FCRL6: variants seen among roughly 807,000 people sequenced by gnomAD.
The protein encoded by FCRL6 is Fc receptor-like protein 6.
A neutral mutation model predicts 49.1 loss-of-function variants in FCRL6; 50 were observed. The ratio of observed to expected loss-of-function variants is 1.02; its 90% CI spans 0.81 to 1.29. The LOEUF (loss-of-function observed/expected upper bound fraction) is 1.29. Ranked by LOEUF, FCRL6 falls within the 50% of genes most tolerant of loss-of-function variation. The pLI is 0.00. For synonymous variants in FCRL6, 213 were observed against 199.6 expected (o/e 1.07, Z -0.57); for missense variants, 571 against 518.5 (o/e 1.10, Z -0.98).
At chr1:159,802,745 A>G (rs73028938) in intron 1 of FCRL6, among the ~76,000 whole-genome samples, 16,344 of 152,196 alleles carry the variant, frequency 0.11, 1,971 homozygotes, top group African/African-American at 0.29. Context: ...TAACTTCCCA[A>G]TGACATTTCT....
At chr1:159,808,723 T>TAG in intron 3 of FCRL6, 1 of 606,286 alleles carries the variant, frequency 1.6e-6, no homozygotes, top group African/African-American at 1.8e-5. Context: ...CTCTATGGAC[T>TAG]AGAGGACTTC....
At chr1:159,811,496 C>G (rs892975035) in intron 6 of FCRL6, among the ~76,000 whole-genome samples, 1 of 152,192 alleles carries the variant, frequency 6.6e-6, no homozygotes, top group Admixed American at 6.5e-5. Flanking sequence ...AGGAAGACCA[C>G]CCAGTCATAT....
chr1:159,807,591 G>T (rs1662778502), intron 2 of FCRL6, among the ~76,000 whole-genome samples: 2 of 152,232 alleles, frequency 1.3e-5, no homozygotes, highest in Admixed American at 6.5e-5. Context: ...GGTAGAGATG[G>T]AGGCTGGGCC....
Position 159,811,289 on chromosome 1 carries a change from G to A in FCRL6, c.1009+1073G>A, listed in dbSNP as rs79448279. On this transcript the variant is annotated intron_variant, in intron 6 of 9. Coordinates refer to ENST00000368106, the MANE Select transcript of FCRL6 (RefSeq NM_001004310.3). ...CAGTGCCAAAGCTATGATTCCTAGT[G>A]CTTCAAATCCACCTACAGAGGTTCA... Among the ~76,000 whole-genome samples the A allele has an allele frequency of 1.7e-4, 26 of 152,294 alleles. No homozygotes were observed. The East Asian group carries it at 4.8e-3, about 28-fold the overall frequency.
rs146819836 is a variant in FCRL6, at chr1:159,815,556, G to A, written c.1200G>A (p.Ala400=). 104 of 1,614,180 alleles carry A rather than the reference G, an allele frequency of 6.4e-5. No homozygotes were observed. In the East Asian group the frequency reaches 7.1e-4, roughly 11 times the overall value. Reference sequence around the variant, plus strand: ...CACAGGACAGTTCTATCATCTGTGCGGAGGTGAGATGCCTGCAGCCCAGTG... The same window carrying A: ...CACAGGACAGTTCTATCATCTGTGCAGAGGTGAGATGCCTGCAGCCCAGTG... ...VGRKDSSIIC[A]EVRCLQPSEV... is the part of the protein sequence containing the mutation. The change falls in exon 10 of 10, where the codon GCG becomes GCA. Residue 400 remains alanine (A), a synonymous_variant. Coordinates refer to ENST00000368106, the MANE Select transcript of FCRL6 (RefSeq NM_001004310.3).
intron 6 of FCRL6, among the ~76,000 whole-genome samples, chr1:159,813,162 T>C (rs114510156): frequency 1.1e-3 from 165 of 152,312 alleles, no homozygotes; most frequent in African/African-American, 3.7e-3. Flanking sequence ...GTCTGGCATA[T>C]AGTGTATGGT....
chr1:159,806,094 C>T (rs952451158), intron 1 of FCRL6, among the ~76,000 whole-genome samples: 7 of 152,152 alleles, frequency 4.6e-5, no homozygotes, highest in African/African-American at 1.4e-4. Context: ...AGAGTCCCTG[C>T]TACTATGGAG....
intron 6 of FCRL6, among the ~76,000 whole-genome samples, chr1:159,810,713 C>T (rs987877816): frequency 6.6e-6 from 1 of 152,152 alleles, no homozygotes; most frequent in African/African-American, 2.4e-5. Context: ...CAGTACTTTA[C>T]TGTAGCAGAG....
chr1:159,808,701 C>T, intron 3 of FCRL6: 2 of 609,818 alleles, frequency 3.3e-6, no homozygotes, highest in Non-Finnish European at 2.9e-6. Context: ...CCAGTCCAGG[C>T]TCACCCTTCC....
chr1:159,807,700 A>G (rs1662786098), intron 2 of FCRL6, among the ~76,000 whole-genome samples: 2 of 152,172 alleles, frequency 1.3e-5, no homozygotes, highest in South Asian at 2.1e-4. Flanking sequence ...AGATGCTGCT[A>G]TTATCAGAAG....
intron 6 of FCRL6, 124 bp downstream of exon 6, chr1:159,810,340 G>C: frequency 1.7e-6 from 2 of 1,204,370 alleles, no homozygotes; most frequent in Admixed American, 2.7e-5. Context: ...GTGGCAGGGG[G>C]GACTTCTCTT....
intron 1 of FCRL6, among the ~76,000 whole-genome samples, chr1:159,803,782 C>T (rs905977905): frequency 6.6e-6 from 1 of 152,156 alleles, no homozygotes; most frequent in Non-Finnish European, 1.5e-5. Context: ...AATGGAGAAT[C>T]CAGCACCAGC....
At position 159,815,847 on chromosome 1, in the gene FCRL6, C is replaced by A; in HGVS notation, c.*186C>A. On this transcript the variant is annotated 3_prime_UTR_variant, in exon 10 of 10. Transcript: ENST00000368106. The stretch of plus-strand genomic sequence containing the variant: ...GTTCTTTTCTTAGCAGAAGACCAAC[C>A]AATGGAATGGGAAGGGAGATGCTCC... 1.6e-6 allele frequency: 1 copy of A among 617,958 alleles called. No homozygotes were observed. Among genetic ancestry groups the A allele is most frequent in the Non-Finnish European group, 2.8e-6 (1 of 360,294 alleles). 38.3% of individuals were successfully genotyped at this position (617,958 alleles called of 1,614,324 possible).
At chr1:159,810,452 C>T (rs144539218) in intron 6 of FCRL6, among the ~76,000 whole-genome samples, 55 of 152,270 alleles carry the variant, frequency 3.6e-4, no homozygotes, top group African/African-American at 1.3e-3. Flanking sequence ...GAGATGCACA[C>T]AAACACACAA....
At chr1:159,802,820 G>C (rs1020961171) in intron 1 of FCRL6, among the ~76,000 whole-genome samples, 2 of 152,202 alleles carry the variant, frequency 1.3e-5, no homozygotes, top group African/African-American at 4.8e-5. Context: ...GGTTGCAGGA[G>C]GGAAGGAGGC....
chr1:159,806,080 A>C (rs185493487), intron 1 of FCRL6, among the ~76,000 whole-genome samples: 1 of 152,376 alleles, frequency 6.6e-6, no homozygotes, highest in Admixed American at 6.5e-5. Context: ...TGAGTAAAAT[A>C]AGCAGAGTCC....
At chr1:159,815,504 T>C (rs369039360) in intron 9 of FCRL6, 32 bp from the exon 10 acceptor site, 1 of 1,614,182 alleles carries the variant, frequency 6.2e-7, no homozygotes, top group African/African-American at 1.3e-5. Flanking sequence ...CTCTTACATT[T>C]GCTTCCTCAT....
At chr1:159,808,104 G>C in intron 2 of FCRL6, 74 bp from the exon 3 acceptor site, 1 of 1,534,674 alleles carries the variant, frequency 6.5e-7, no homozygotes, top group South Asian at 1.3e-5. Context: ...GAGGCCTTAG[G>C]CTGGGGGACA....
Position 159,809,156 on chromosome 1 carries a change from A to T in FCRL6, c.515A>T (p.Glu172Val). 2 of 1,613,826 alleles carry T rather than the reference A, an allele frequency of 1.2e-6. No homozygotes were observed. The highest frequency in any genetic ancestry group is 1.7e-4 in the Middle Eastern group (1 of 6,020). Residue 172 changes from glutamate to valine, a missense_variant, in exon 4 of 10, where the codon GAG becomes GTG. Physicochemically the swap from Glu to Val is moderately radical, Grantham distance 121. Transcript: ENST00000368106. ...HPELCIPGAKEGDSGLYWCEV... is the reference protein window; with the variant it reads ...HPELCIPGAKVGDSGLYWCEV... ...GAACTCTGCATCCCGGGAGCCAAGG[A>T]GGGAGACTCTGGGCTTTACTGGTGT...
Sources: gnomAD v4.1 joint callset for allele counts (sites outside exome capture counted in the v4.1 genomes callset) on GRCh38, gnomAD v4.1.1 for gene constraint, MANE v1.5 for transcripts, NCBI Gene and HGNC (gene_info 2026-07-23, HGNC 2026-07-21) for gene names.